ENTREP2: variants seen among roughly 807,000 people sequenced by gnomAD.
ENTREP2 encodes protein ENTREP2.
the ENTREP2 span, among the ~76,000 whole-genome samples, chr15:29,423,605 G>C: frequency 6.8e-6 from 1 of 146,808 alleles, no homozygotes; most frequent in Non-Finnish European, 1.5e-5. Flanking sequence ...GGCTACCACA[G>C]TGAAACCCCA....
chr15:29,625,601 G>A, the ENTREP2 span, among the ~76,000 whole-genome samples: 22 of 152,014 alleles, frequency 1.4e-4, no homozygotes, highest in Middle Eastern at 3.4e-3. Flanking sequence ...TCACCATGTC[G>A]GCCAGGCTGG....
chr15:29,591,832 GAGAAGAAGAAGAAGA>G, the ENTREP2 span, among the ~76,000 whole-genome samples: 551 of 140,196 alleles, frequency 3.9e-3, 5 homozygotes, highest in African/African-American at 0.012. Context: ...CATCTCAAAA[GAGAAGAAGAAGAAGA>G]AGAAGAAGAA....
At chr15:29,541,225 A>G in the ENTREP2 span, among the ~76,000 whole-genome samples, 2 of 152,142 alleles carry the variant, frequency 1.3e-5, no homozygotes, top group African/African-American at 4.8e-5. Flanking sequence ...ACCTTGGAGG[A>G]CCCAACAACT....
chr15:29,564,198 G>A, the ENTREP2 span, among the ~76,000 whole-genome samples: 1 of 149,390 alleles, frequency 6.7e-6, no homozygotes, highest in African/African-American at 2.5e-5. Context: ...AATTCTCCAG[G>A]TACCCACTTG....
At chr15:29,494,599 T>G in the ENTREP2 span, among the ~76,000 whole-genome samples, 1 of 152,212 alleles carries the variant, frequency 6.6e-6, no homozygotes, top group East Asian at 1.9e-4. Context: ...ATAGCCACAT[T>G]AGGTCTCCAA....
At chr15:29,333,061 C>A in the ENTREP2 span, among the ~76,000 whole-genome samples, 1 of 151,636 alleles carries the variant, frequency 6.6e-6, no homozygotes, top group Non-Finnish European at 1.5e-5. Flanking sequence ...GGGTGACTGG[C>A]AGAAACTGGG....
chr15:29,359,569 C>A, the ENTREP2 span, among the ~76,000 whole-genome samples: 1 of 152,320 alleles, frequency 6.6e-6, no homozygotes, highest in Non-Finnish European at 1.5e-5. Context: ...TGCACCACCA[C>A]ACCCAGCTAA....
the ENTREP2 span, among the ~76,000 whole-genome samples, chr15:29,209,159 T>C: frequency 2.0e-5 from 3 of 152,152 alleles, no homozygotes; most frequent in African/African-American, 7.2e-5. Context: ...AATGTGTGCT[T>C]TCTTCTCTGG....
chr15:29,250,722 C>T, the ENTREP2 span, among the ~76,000 whole-genome samples: 1 of 152,098 alleles, frequency 6.6e-6, no homozygotes, highest in Non-Finnish European at 1.5e-5. Context: ...CCAGATTTTG[C>T]TATACTCATA....
chr15:29,159,920 C>A, the ENTREP2 span, among the ~76,000 whole-genome samples: 1 of 152,286 alleles, frequency 6.6e-6, no homozygotes, highest in Admixed American at 6.5e-5. Context: ...CGCTGTGCGC[C>A]TGCACTCCTC....
the ENTREP2 span, among the ~76,000 whole-genome samples, chr15:29,484,289 G>T: frequency 6.6e-6 from 1 of 152,108 alleles, no homozygotes; most frequent in Non-Finnish European, 1.5e-5. Context: ...ACTACAAGTG[G>T]ATTTAGGGGT....
At chr15:29,591,646 C>T in the ENTREP2 span, among the ~76,000 whole-genome samples, 2 of 152,124 alleles carry the variant, frequency 1.3e-5, no homozygotes, top group Non-Finnish European at 2.9e-5. Context: ...GCAATCCCAG[C>T]ACTTTGAGAG....
chr15:29,246,973 G>GCGCACACACACACA, the ENTREP2 span, among the ~76,000 whole-genome samples: 1 of 137,012 alleles, frequency 7.3e-6, no homozygotes, highest in Admixed American at 7.4e-5. Flanking sequence ...GACTGGAAAG[G>GCGCACACACACACA]CACACACACA....
chr15:29,608,173 G>C, the ENTREP2 span, among the ~76,000 whole-genome samples: 1 of 152,020 alleles, frequency 6.6e-6, no homozygotes, highest in Non-Finnish European at 1.5e-5. Context: ...AATCTCCTTT[G>C]GCAACACCTC....
chr15:29,377,823 A>AAATAATAGT, the ENTREP2 span, among the ~76,000 whole-genome samples: 2 of 112,984 alleles, frequency 1.8e-5, 1 homozygote, highest in Admixed American at 1.8e-4. Flanking sequence ...TCTGTCTCAA[A>AAATAATAGT]AATAATAATA....
the ENTREP2 span, among the ~76,000 whole-genome samples, chr15:29,227,984 A>G: frequency 3.1e-5 from 2 of 63,538 alleles, no homozygotes; most frequent in African/African-American, 8.2e-5. Flanking sequence ...GCCGATGAGA[A>G]AAAAAAAAGA....
At chr15:29,229,963 T>TAA in the ENTREP2 span, among the ~76,000 whole-genome samples, 16 of 150,228 alleles carry the variant, frequency 1.1e-4, no homozygotes, top group South Asian at 1.5e-3. Flanking sequence ...AACTTAACAT[T>TAA]AAAAAAAAAA....
At chr15:29,674,694 G>T in the ENTREP2 span, among the ~76,000 whole-genome samples, 1 of 151,464 alleles carries the variant, frequency 6.6e-6, no homozygotes, top group East Asian at 2.0e-4. Flanking sequence ...CTAGGGAAAA[G>T]GAGGCATGCC....
chr15:29,169,587 CATATT>C, the ENTREP2 span, among the ~76,000 whole-genome samples: 1 of 152,256 alleles, frequency 6.6e-6, no homozygotes, highest in Middle Eastern at 3.4e-3. Flanking sequence ...TTTTAAAAAA[CATATT>C]ATGACCAAAT....
Sources: gnomAD v4.1 joint callset for allele counts (sites outside exome capture counted in the v4.1 genomes callset) on GRCh38, gnomAD v4.1.1 for gene constraint, MANE v1.5 for transcripts, NCBI Gene and HGNC (gene_info 2026-07-23, HGNC 2026-07-21) for gene names.